Variants in SPOCK3 observed in about 807,000 individuals in gnomAD.
SPOCK3 encodes testican-3.
A neutral mutation model predicts 56.6 loss-of-function variants in SPOCK3; 30 were observed. That is an observed-to-expected ratio of 0.53 (90% confidence interval 0.40 to 0.72). The LOEUF (loss-of-function observed/expected upper bound fraction) is 0.72, where lower values mean the gene tolerates loss of function less well. Among genes scored for constraint, SPOCK3 ranks in the 30% least tolerant of loss-of-function variants. SPOCK3 has a pLI of 0.00. For missense variants in SPOCK3, 527 were observed against 530.0 expected (o/e 0.99, Z 0.06); for synonymous variants, 196 against 183.3 (o/e 1.07, Z -0.56).
At chr4:167,131,430 T>C (rs2150381863) in intron 2 of SPOCK3, among the ~76,000 whole-genome samples, 1 of 151,922 alleles carries the variant, frequency 6.6e-6, no homozygotes, top group East Asian at 1.9e-4. Context: ...CTACTAAAAA[T>C]ACAAAAATTA....
intron 6 of SPOCK3, among the ~76,000 whole-genome samples, chr4:166,826,076 A>T (rs952007944): frequency 3.3e-5 from 5 of 152,102 alleles, no homozygotes; most frequent in African/African-American, 4.8e-5. Flanking sequence ...GTAGAGTTGT[A>T]AGATCCAAGA....
At chr4:167,096,112 C>A (rs964879255) in intron 2 of SPOCK3, among the ~76,000 whole-genome samples, 1 of 151,784 alleles carries the variant, frequency 6.6e-6, no homozygotes, top group African/African-American at 2.4e-5. Context: ...ATAAAAAGAC[C>A]TGAATAAATG....
chr4:166,764,589 T>C (rs1043873924), intron 7 of SPOCK3, among the ~76,000 whole-genome samples: 27 of 152,250 alleles, frequency 1.8e-4, no homozygotes, highest in Middle Eastern at 3.4e-3. Flanking sequence ...CCAGTCTATA[T>C]TGATGGACAT....
chr4:166,754,484 G>C, intron 8 of SPOCK3, 24 bp downstream of exon 8: 1 of 1,589,310 alleles, frequency 6.3e-7, no homozygotes, highest in Non-Finnish European at 8.6e-7. Flanking sequence ...AACTATTTGC[G>C]TCTGTAAGGG....
At chr4:166,952,538 C>G (rs189378598) in intron 4 of SPOCK3, among the ~76,000 whole-genome samples, 1 of 152,138 alleles carries the variant, frequency 6.6e-6, no homozygotes, top group Non-Finnish European at 1.5e-5. Context: ...AATGCCATCC[C>G]CATCAAGCTA....
intron 2 of SPOCK3, among the ~76,000 whole-genome samples, chr4:167,130,339 T>C (rs1447921117): frequency 1.3e-5 from 2 of 152,110 alleles, no homozygotes; most frequent in Non-Finnish European, 2.9e-5. Context: ...AAATTAGACA[T>C]AAAAATTTGG....
At chr4:166,842,681 T>A (rs924577382) in intron 6 of SPOCK3, among the ~76,000 whole-genome samples, 3 of 152,180 alleles carry the variant, frequency 2.0e-5, no homozygotes, top group Non-Finnish European at 2.9e-5. Context: ...AACCCTGAGC[T>A]AAACACAGAG....
At chr4:166,765,541 T>C (rs1421923496) in intron 7 of SPOCK3, among the ~76,000 whole-genome samples, 1 of 152,208 alleles carries the variant, frequency 6.6e-6, no homozygotes, top group African/African-American at 2.4e-5. Flanking sequence ...GTTCCATTGG[T>C]CTATATCTCT....
At chr4:167,180,133 C>G (rs1731319410) in intron 2 of SPOCK3, among the ~76,000 whole-genome samples, 1 of 152,098 alleles carries the variant, frequency 6.6e-6, no homozygotes, top group African/African-American at 2.4e-5. Flanking sequence ...ACTGTTGTTT[C>G]AAATGAACTC....
At chr4:167,041,046 C>T (rs1753192722) in intron 3 of SPOCK3, among the ~76,000 whole-genome samples, 1 of 152,140 alleles carries the variant, frequency 6.6e-6, no homozygotes, top group African/African-American at 2.4e-5. Flanking sequence ...GGCCACCTTG[C>T]TCATGATTCA....
At chr4:167,033,873 ATTCT>A (rs568832667) in intron 3 of SPOCK3, among the ~76,000 whole-genome samples, 86 of 152,200 alleles carry the variant, frequency 5.7e-4, no homozygotes, top group Non-Finnish European at 1.0e-3. Flanking sequence ...ATTATAATAC[ATTCT>A]TTATTTTCTT....
intron 2 of SPOCK3, among the ~76,000 whole-genome samples, chr4:167,224,330 TTAAAA>T (rs1404267946): frequency 1.3e-5 from 2 of 152,094 alleles, no homozygotes; most frequent in African/African-American, 4.8e-5. Context: ...TATGGAAAAG[TTAAAA>T]TAGAGTTTAT....
intron 6 of SPOCK3, among the ~76,000 whole-genome samples, chr4:166,824,792 C>T (rs777433848): frequency 6.6e-6 from 1 of 152,058 alleles, no homozygotes; most frequent in Non-Finnish European, 1.5e-5. Flanking sequence ...TATCACTATA[C>T]ATACTATGAG....
intron 3 of SPOCK3, among the ~76,000 whole-genome samples, chr4:167,038,955 T>C (rs114092773): frequency 0.013 from 1,950 of 152,292 alleles, 21 homozygotes; most frequent in Non-Finnish European, 0.019. Context: ...CTGGTACTGC[T>C]GTAGCAAAGT....
rs1433257683 is a variant in SPOCK3, at chr4:166,749,172, A to G, written c.931+5336T>C. Among the ~76,000 whole-genome samples the G allele has an allele frequency of 2.9e-5, 4 of 137,550 alleles. 2 individuals are homozygous for G. The highest frequency in any genetic ancestry group is 4.4e-4 in the South Asian group (2 of 4,554). The allele number at this position is 137,550 out of a possible 152,430, so 90.2% of individuals were successfully genotyped here. A position where few individuals can be genotyped will look rare whatever the true frequency, so the allele number is the denominator to read the frequency against. ...AAAGGATTATAAATCATGCTACTATAAAGACACATGTGCACGTATGTTTAT... is the reference window on the plus strand; with the variant it reads ...AAAGGATTATAAATCATGCTACTATGAAGACACATGTGCACGTATGTTTAT... On this transcript the variant is annotated intron_variant, in intron 8 of 10. Transcript: ENST00000357545.
chr4:167,234,168 G>A lies in SPOCK3; in HGVS notation c.6C>T (p.Leu2=), dbSNP rs768294636. M[L]KVSAVLCVCA... ...ACACACACAGTACGGCTGACACCTT[G>A]AGCATCTGGGAGAGGAGACACAACG... The change falls in exon 2 of 11, where the codon CTC becomes CTT. Residue 2 remains leucine (L), a synonymous_variant. Coordinates refer to ENST00000357545, the MANE Select transcript of SPOCK3 (RefSeq NM_001040159.2). The A allele has an allele frequency of 1.9e-6, 3 of 1,611,740 alleles. No individual in the cohort carries two copies. In the South Asian group the frequency reaches 3.3e-5, roughly 18 times the overall value.
intron 2 of SPOCK3, among the ~76,000 whole-genome samples, chr4:167,081,700 G>C (rs1041514558): frequency 2.0e-5 from 3 of 152,008 alleles, no homozygotes; most frequent in Non-Finnish European, 2.9e-5. Flanking sequence ...AAATACCTTG[G>C]GAAAGAGAGA....
rs531072994 is a variant in SPOCK3, at chr4:167,210,935, T to G, written c.189+23050A>C. Among the ~76,000 whole-genome samples the G allele has an allele frequency of 2.0e-4, 31 of 152,342 alleles. 1 individual carries two copies. The highest frequency in any genetic ancestry group is 6.8e-3 in the Middle Eastern group (2 of 294). ...TGATTTACTGGAAAATGATAGATCC[T>G]GCATATTTTGGAAAACATGCTTAAT... On this transcript the variant is annotated intron_variant, in intron 2 of 10. Transcript: ENST00000357545.
intron 4 of SPOCK3, among the ~76,000 whole-genome samples, chr4:166,992,546 G>A (rs912154446): frequency 6.6e-6 from 1 of 152,008 alleles, no homozygotes; most frequent in Non-Finnish European, 1.5e-5. Flanking sequence ...TCTTTTATAT[G>A]AAAGGCACCT....
Sources: gnomAD v4.1 joint callset for allele counts (sites outside exome capture counted in the v4.1 genomes callset) on GRCh38, gnomAD v4.1.1 for gene constraint, MANE v1.5 for transcripts, NCBI Gene and HGNC (gene_info 2026-07-23, HGNC 2026-07-21) for gene names.